Variants in GRHL2 observed in about 807,000 individuals in gnomAD.
GRHL2 encodes grainyhead like transcription factor 2, also known as grainyhead-like protein 2 homolog.
A neutral mutation model predicts 83.8 loss-of-function variants in GRHL2; 21 were observed. The ratio of observed to expected loss-of-function variants is 0.25; its 90% CI spans 0.18 to 0.36. The LOEUF (loss-of-function observed/expected upper bound fraction) is 0.36. Among genes scored for constraint, GRHL2 ranks in the 10% least tolerant of loss-of-function variants. GRHL2 has a pLI of 1.00. For missense variants in GRHL2, 623 were observed against 781.8 expected, an observed-to-expected ratio of 0.80 and a Z score of 2.42; for synonymous variants, 280 against 278.9, an observed-to-expected ratio of 1.00 and a Z score of -0.04.
rs762675652 is a variant in GRHL2 at position 101,615,631 on chromosome 8, C to G, written c.1099-3908C>G. Reference sequence around the variant, plus strand: ...AGTGATCATTTGCTTTGCTGACATACAACTGCATTTTATACACTCTGGCCA... The same window carrying G: ...AGTGATCATTTGCTTTGCTGACATAGAACTGCATTTTATACACTCTGGCCA... On this transcript the variant is annotated intron_variant, in intron 8 of 15. Transcript: ENST00000646743. Among the ~76,000 whole-genome samples, 3 of 152,310 alleles carry G rather than the reference C, an allele frequency of 2.0e-5. No homozygotes were observed. In the South Asian group the frequency reaches 6.2e-4, roughly 32 times the overall value.
intron 1 of GRHL2, among the ~76,000 whole-genome samples, chr8:101,523,969 C>T (rs557444208): frequency 1.3e-5 from 2 of 152,134 alleles, no homozygotes; most frequent in Non-Finnish European, 2.9e-5. Context: ...TCATCAGGTG[C>T]GTAATAGAAT....
At chr8:101,600,254 G>T (rs1196006584) in intron 8 of GRHL2, among the ~76,000 whole-genome samples, 2 of 152,228 alleles carry the variant, frequency 1.3e-5, no homozygotes, top group Non-Finnish European at 2.9e-5. Flanking sequence ...CCGTGGCTCA[G>T]TGCCTCCCAG....
At chr8:101,526,857 C>G (rs1298097817) in intron 1 of GRHL2, among the ~76,000 whole-genome samples, 2 of 152,186 alleles carry the variant, frequency 1.3e-5, no homozygotes, top group Admixed American at 1.3e-4. Context: ...GATTGGTACC[C>G]AAAGTGTGAG....
chr8:101,517,655 T>A (rs960623603), intron 1 of GRHL2, among the ~76,000 whole-genome samples: 4 of 152,214 alleles, frequency 2.6e-5, no homozygotes, highest in African/African-American at 9.6e-5. Context: ...GTAGACAAGA[T>A]GAGGCTTTCA....
chr8:101,552,664 G>A (rs1481572782), intron 2 of GRHL2, 51 bp from the exon 3 acceptor site: 7 of 1,547,138 alleles, frequency 4.5e-6, no homozygotes, highest in African/African-American at 1.4e-5. Flanking sequence ...CTCTGAACAT[G>A]GTCATGGTTG....
At chr8:101,650,658 G>A (rs1053469747) in intron 14 of GRHL2, among the ~76,000 whole-genome samples, 3 of 152,220 alleles carry the variant, frequency 2.0e-5, no homozygotes, top group Non-Finnish European at 4.4e-5. Flanking sequence ...GATGGGGGTA[G>A]GAGGTGGAAC....
intron 8 of GRHL2, among the ~76,000 whole-genome samples, chr8:101,606,329 A>T (rs1017137078): frequency 5.3e-5 from 8 of 152,210 alleles, no homozygotes; most frequent in Admixed American, 5.2e-4. Context: ...GGAAAATGCA[A>T]AGTGAGGAGA....
chr8:101,663,635 A>AAATAAATAAATT lies in GRHL2; in HGVS notation c.1699-809_1699-808insTTAATAAATAAA, dbSNP rs1554598244. Among the ~76,000 whole-genome samples the AAATAAATAAATT allele has an allele frequency of 6.4e-3, 962 of 151,432 alleles. 7 individuals are homozygous for AAATAAATAAATT. The highest frequency in any genetic ancestry group is 0.022 in the African/African-American group (898 of 41,226). On this transcript the variant is annotated intron_variant, in intron 14 of 15. Coordinates refer to ENST00000646743, the MANE Select transcript of GRHL2 (RefSeq NM_024915.4). Reference sequence around the variant, plus strand: ...TCAAAAAATAAATAAATAAATAAATAAATAAATAAAAATAAAAGTAGTATC... The same window carrying AAATAAATAAATT: ...TCAAAAAATAAATAAATAAATAAATAAATAAATAAATTAATAAATAAAAATAAAAGTAGTATC...
chr8:101,521,952 C>T lies in GRHL2; in HGVS notation c.21-21289C>T, dbSNP rs543255704. ...CTCAGAGCCTGTAGTACAGCAGGAGCTCAATAAAGGTTTGTTCAATGAACT... is the reference window on the plus strand; with the variant it reads ...CTCAGAGCCTGTAGTACAGCAGGAGTTCAATAAAGGTTTGTTCAATGAACT... On this transcript the variant is annotated intron_variant, in intron 1 of 15. Transcript: ENST00000646743. Among the ~76,000 whole-genome samples, 126 of 152,168 alleles carry T rather than the reference C, an allele frequency of 8.3e-4. 1 individual carries two copies. The highest frequency in any genetic ancestry group is 2.7e-3 in the African/African-American group (112 of 41,508).
At position 101,648,672 on chromosome 8, in the gene GRHL2, C is replaced by T. The variant is rs16868131; in HGVS notation, c.1613-742C>T. Among the ~76,000 whole-genome samples the T allele has an allele frequency of 4.1e-3, 628 of 152,294 alleles. 2 individuals carry two copies. Among genetic ancestry groups the T allele is most frequent in the African/African-American group, 0.013 (551 of 41,566 alleles). The stretch of plus-strand genomic sequence containing the variant: ...GGGACTCCACATCCTAAGCCTGCTC[C>T]TCCCCTTGTCTCGGACAGTGCCCCG... On this transcript the variant is annotated intron_variant, in intron 13 of 15. Transcript: ENST00000646743.
At chr8:101,574,851 T>C (rs886494289) in intron 6 of GRHL2, among the ~76,000 whole-genome samples, 2 of 152,184 alleles carry the variant, frequency 1.3e-5, no homozygotes, top group African/African-American at 2.4e-5. Flanking sequence ...GCGCCAGGTA[T>C]TGTATTAGGT....
At chr8:101,568,806 A>C (rs1176589196) in intron 4 of GRHL2, among the ~76,000 whole-genome samples, 1 of 152,200 alleles carries the variant, frequency 6.6e-6, no homozygotes, top group African/African-American at 2.4e-5. Context: ...TTATTCAGCC[A>C]ACAATTATTT....
chr8:101,620,494 A>G (rs982215841), intron 9 of GRHL2, among the ~76,000 whole-genome samples: 12 of 152,236 alleles, frequency 7.9e-5, no homozygotes, highest in Non-Finnish European at 1.6e-4. Context: ...AAATAAGTTC[A>G]TTAGTACATA....
intron 14 of GRHL2, among the ~76,000 whole-genome samples, chr8:101,662,892 A>T: frequency 6.8e-6 from 1 of 146,818 alleles, no homozygotes; most frequent in African/African-American, 2.7e-5. Context: ...TAAAAATACA[A>T]GTGGGATCAC....
downstream of GRHL2, among the ~76,000 whole-genome samples, chr8:101,672,054 A>C (rs929855175): frequency 6.6e-6 from 1 of 151,738 alleles, no homozygotes; most frequent in South Asian, 2.1e-4. Context: ...ACCCTTCTGT[A>C]CGTCACCATC....
intron 1 of GRHL2, among the ~76,000 whole-genome samples, chr8:101,493,971 TCGGGATTCGG>T: frequency 1.3e-5 from 2 of 152,136 alleles, no homozygotes; most frequent in South Asian, 4.2e-4. Flanking sequence ...GCGGCCTTTC[TCGGGATTCGG>T]CGGGGACACT....
At chr8:101,642,906 TAACAG>T (rs1182496746) in intron 12 of GRHL2, among the ~76,000 whole-genome samples, 1 of 152,188 alleles carries the variant, frequency 6.6e-6, no homozygotes, top group Admixed American at 6.5e-5. Flanking sequence ...ACAATTTTCT[TAACAG>T]CCTCCTTTTA....
At position 101,601,218 on chromosome 8, in the gene GRHL2, A is replaced by C. The variant is rs372708190; in HGVS notation, c.1098+2067A>C. On this transcript the variant is annotated intron_variant, in intron 8 of 15. Transcript: ENST00000646743. The stretch of plus-strand genomic sequence containing the variant: ...ACCACCACCACCACCACCACCACCA[A>C]CAACAACAACAAAACAAATGTTAAG... Among the ~76,000 whole-genome samples the C allele has an allele frequency of 2.8e-3, 433 of 152,012 alleles. 5 individuals carry two copies. Among genetic ancestry groups the C allele is most frequent in the African/African-American group, 8.7e-3 (361 of 41,442 alleles).
At chr8:101,548,039 C>T (rs954942783) in intron 2 of GRHL2, among the ~76,000 whole-genome samples, 4 of 152,204 alleles carry the variant, frequency 2.6e-5, no homozygotes, top group Non-Finnish European at 5.9e-5. Flanking sequence ...CTGGTTCCAG[C>T]TGTAGTGAAA....
Sources: gnomAD v4.1 joint callset for allele counts (sites outside exome capture counted in the v4.1 genomes callset) on GRCh38, gnomAD v4.1.1 for gene constraint, MANE v1.5 for transcripts, NCBI Gene and HGNC (gene_info 2026-07-23, HGNC 2026-07-21) for gene names.